Variants in CYP17A1 observed in about 807,000 individuals in gnomAD.
CYP17A1 encodes the protein cytochrome P450 family 17 subfamily A member 1, also known as steroid 17-alpha-hydroxylase/17,20 lyase.
A neutral mutation model predicts 38.5 loss-of-function variants in CYP17A1; 27 were observed. That is an observed-to-expected ratio of 0.70 (90% CI 0.52 to 0.97). CYP17A1 has a LOEUF of 0.97. Ranked by LOEUF, CYP17A1 falls within the 50% of genes least tolerant of loss-of-function variation. The probability of loss-of-function intolerance (pLI) is 0.00; values close to 1 mark genes in which losing one functional copy is unlikely to be tolerated. For synonymous variants in CYP17A1, 263 were observed against 253.3 expected (o/e 1.04, Z -0.36); for missense variants, 549 against 645.9 (o/e 0.85, Z 1.63).
In CYP17A1 at chr10:102,830,599, G is replaced by A; in HGVS notation, c.*103C>T. Reference sequence around the variant, plus strand: ...CACAAGCTGAAAAAGAAGGCAGAGTGGGTTGGGAGTAGGGAAGAATGGCGG... The same window carrying A: ...CACAAGCTGAAAAAGAAGGCAGAGTAGGTTGGGAGTAGGGAAGAATGGCGG... On this transcript the variant is annotated 3_prime_UTR_variant, in exon 8 of 8. Coordinates refer to ENST00000369887, the MANE Select transcript of CYP17A1 (RefSeq NM_000102.4). The surrounding 1 kb of genome is among the most constrained non-coding windows in gnomAD (Gnocchi z 4.1). 1.4e-6 allele frequency: 1 copy of A among 718,758 alleles called. No individual in the cohort carries two copies. The highest frequency in any genetic ancestry group is 2.5e-6 in the Non-Finnish European group (1 of 402,480). The allele number at this position is 718,758 out of a possible 1,614,324, so 44.5% of individuals were successfully genotyped here. A position where few individuals can be genotyped will look rare whatever the true frequency, so the allele number is the denominator to read the frequency against.
chr10:102,835,494 AC>A (rs1349197492), intron 1 of CYP17A1, 102 bp from the exon 2 acceptor site: 2 of 988,248 alleles, frequency 2.0e-6, no homozygotes, highest in African/African-American at 1.6e-5. Context: ...GAAGGCAGGT[AC>A]CTGGCATGCT....
rs780600568 is a variant in CYP17A1, at chr10:102,833,145, A to C, written c.817T>G (p.Ser273Ala). ...TCTGGGCCAGCATTGCCATTATCTG[A>C]GTTCATCTTGGCTTGCATCAGTGTG... is the stretch of plus-strand genomic sequence containing the variant. The part of the protein sequence containing the change: ...LDTLMQAKMN[S>A]DNGNAGPDQD... Residue 273 changes from serine (S) to alanine (A), a missense_variant, in exon 5 of 8, where the codon TCA becomes GCA. This residue lies in a region of CYP17A1 where 257 missense variants were observed against 307.9 expected (regional missense o/e 0.83). Transcript: ENST00000369887. 6.2e-6 allele frequency: 10 copies of C among 1,613,972 alleles called. No individual in the cohort carries two copies. The highest frequency in any genetic ancestry group is 3.3e-4 in the Middle Eastern group (2 of 6,084).
intron 3 of CYP17A1, 138 bp downstream of exon 3, chr10:102,834,647 C>T: frequency 8.5e-7 from 1 of 1,180,770 alleles, no homozygotes; most frequent in South Asian, 1.3e-5. Context: ...TTTTAAGTGG[C>T]AGAGGAGGTA....
chr10:102,832,438 G>C, intron 6 of CYP17A1, 73 bp downstream of exon 6: 1 of 999,680 alleles, frequency 1.0e-6, no homozygotes, highest in Non-Finnish European at 1.6e-6. Context: ...CCGGGGGTAG[G>C]GGGAGCCAGG....
At position 102,832,536 on chromosome 10, in the gene CYP17A1, G is replaced by C. The variant is rs1241318078; in HGVS notation, c.1114C>G (p.Pro372Ala). 2 of 1,611,272 alleles carry C rather than the reference G, an allele frequency of 1.2e-6. No individual in the cohort carries two copies. Among genetic ancestry groups the C allele is most frequent in the African/African-American group, 2.7e-5 (2 of 74,870 alleles). The change falls in exon 6 of 8, where the codon CCC (proline) becomes GCC (alanine). Residue 372 changes from proline (P) to alanine (A), a missense_variant. Pro to Ala is a conservative substitution (Grantham distance 27). Transcript: ENST00000369887. ...RLRPVAPMLI[P>A]HKANVDSSIG... The stretch of plus-strand genomic sequence containing the variant: ...CTGGAGTCAACGTTGGCCTTGTGGG[G>C]GATGAGCATAGGGGCCACGGGCCTG...
chr10:102,834,470 A>G (rs1380999990), intron 3 of CYP17A1: 28 of 556,628 alleles, frequency 5.0e-5, no homozygotes, highest in Non-Finnish European at 8.2e-5. Context: ...TCTCACCTGC[A>G]CAATGGGGAT....
intron 3 of CYP17A1, 102 bp from the exon 4 acceptor site, chr10:102,834,224 A>C (rs1844128736): frequency 2.7e-6 from 2 of 731,920 alleles, no homozygotes; most frequent in Non-Finnish European, 5.0e-6. Context: ...TGTCTCTGGA[A>C]GTTCCTACTC....
rs1195893266 is a variant in CYP17A1, at chr10:102,832,493, C to T, written c.1139+18G>A. ...GAATGCATCATGGGGCTAGATGTCA[C>T]TGGGAGGGCAGGCACACCTGGAGTC... is the stretch of plus-strand genomic sequence containing the variant. On this transcript the variant is annotated intron_variant, in intron 6 of 7. Transcript: ENST00000369887. The T allele has an allele frequency of 1.3e-6, 2 of 1,564,552 alleles. No individual in the cohort carries two copies. The highest frequency in any genetic ancestry group is 1.1e-5 in the South Asian group (1 of 90,196).
intron 4 of CYP17A1, 163 bp downstream of exon 4, chr10:102,833,873 T>C: frequency 1.7e-6 from 1 of 597,672 alleles, no homozygotes; most frequent in Middle Eastern, 3.7e-4. Flanking sequence ...ATTACAGGCG[T>C]GAGCCACCGC....
Position 102,837,346 on chromosome 10 carries a change from C to G in CYP17A1, c.16G>C (p.Ala6Pro). ...TAAGCTAGGGTAAGCAGCAAGAGAG[C>G]CACGAGCTCCCACATGGTGGCTGGG... MWELVALLLLTLAYLF... is the reference protein window; with the variant it reads MWELVPLLLLTLAYLF... The change falls in exon 1 of 8, where the codon GCT becomes CCT. Residue 6 changes from alanine to proline, a missense_variant. Physicochemically the swap from Ala to Pro is conservative, Grantham distance 27 (BLOSUM62 -1). Around this residue, in one of 3 missense-constraint regions of CYP17A1, gnomAD observed 289 missense variants for 320.9 expected, o/e 0.90. Transcript: ENST00000369887. 1 of 1,610,812 alleles carries G rather than the reference C, an allele frequency of 6.2e-7. No homozygotes were observed. The highest frequency in any genetic ancestry group is 8.5e-7 in the Non-Finnish European group (1 of 1,177,034).
chr10:102,833,560 G>A (rs1436306459), intron 4 of CYP17A1: 2 of 314,566 alleles, frequency 6.4e-6, no homozygotes. Flanking sequence ...GGGTTCAAGT[G>A]AGTCTCCTGC....
chr10:102,831,436 A>G, intron 7 of CYP17A1, 72 bp downstream of exon 7: 1 of 1,595,208 alleles, frequency 6.3e-7, no homozygotes, highest in Non-Finnish European at 8.5e-7. Context: ...GCAGAGGTGA[A>G]GGGGTACTGG....
Position 102,837,255 on chromosome 10 carries a change from AG to A in CYP17A1, c.106del (p.Leu36TrpfsTer39). 6.2e-7 allele frequency: 1 copy of A among 1,600,452 alleles called. No individual in the cohort carries two copies. The highest frequency in any genetic ancestry group is 8.6e-7 in the Non-Finnish European group (1 of 1,167,574). ...KYPKSLLSLPLVGSLPFLPRH... is the reference protein window; with the variant it reads ...KYPKSLLSLPXVGSLPFLPRH... ...GGGGAGGAATGGCAGGCTGCCCACC[AG>A]GGGCAGGGACAGGAGGCTCTTGGGG... On this transcript the variant is annotated frameshift_variant, in exon 1 of 8. Transcript: ENST00000369887. LOFTEE classifies it high-confidence loss of function.
chr10:102,831,205 GA>G (rs1844083676), intron 7 of CYP17A1, among the ~76,000 whole-genome samples: 1 of 152,068 alleles, frequency 6.6e-6, no homozygotes, highest in Non-Finnish European at 1.5e-5. Flanking sequence ...GGATGGAAAA[GA>G]GATGGAATTA....
Position 102,834,837 on chromosome 10 carries a change from A to G in CYP17A1, c.614T>C (p.Ile205Thr). 1 of 1,614,162 alleles carries G rather than the reference A, an allele frequency of 6.2e-7. No individual in the cohort carries two copies. The highest frequency in any genetic ancestry group is 8.5e-7 in the Non-Finnish European group (1 of 1,180,034). Residue 205 changes from isoleucine to threonine, a missense_variant, in exon 3 of 8, where the codon ATC becomes ACC. Coordinates refer to ENST00000369887, the MANE Select transcript of CYP17A1 (RefSeq NM_000102.4). ...LNVIQNYNEG[I>T]IDNLSKDSLV... ...GCTGTCTTTGCTCAGGTTGTCTATG[A>G]TGCCTTCATTGTAATTCTGTATGAC...
intron 1 of CYP17A1, chr10:102,836,799 G>T (rs750831139): frequency 1.9e-6 from 1 of 529,698 alleles, no homozygotes; most frequent in Non-Finnish European, 3.4e-6. Flanking sequence ...GTGGAGTGAG[G>T]ATTCCTTGAC....
In CYP17A1 at chr10:102,830,948, T is replaced by G; in HGVS notation, c.1281A>C (p.Ser427=). 5 of 1,576,732 alleles carry G rather than the reference T, an allele frequency of 3.2e-6. No homozygotes were observed. Among genetic ancestry groups the G allele is most frequent in the Non-Finnish European group, 4.3e-6 (5 of 1,158,502 alleles). The part of the protein sequence containing the change: ...FLNPAGTQLI[S]PSVSYLPFGA... The stretch of plus-strand genomic sequence containing the variant: ...CGAAGGGCAAATAGCTTACTGACGG[T>G]GAGATGAGCTGGGTCCCCGCTGGAT... The change falls in exon 8 of 8, where the codon TCA becomes TCC. Residue 427 remains serine, a synonymous_variant. Transcript: ENST00000369887. This position sits in a 1 kb window ranked among gnomAD's most constrained non-coding sequence, Gnocchi z 4.1.
chr10:102,835,996 G>C (rs1347376590), intron 1 of CYP17A1, among the ~76,000 whole-genome samples: 1 of 152,146 alleles, frequency 6.6e-6, no homozygotes, highest in African/African-American at 2.4e-5. Context: ...AAAGCAAAAG[G>C]GTCCAAAGCC....
chr10:102,833,350 G>C lies in CYP17A1; in HGVS notation c.754-142C>G, dbSNP rs572508924. ...AAGTCTGGGCAGGACCTACGAACTT[G>C]TGGAGGTAGGAGGCAGCCCCGGGCC... On this transcript the variant is annotated intron_variant, in intron 4 of 7. Coordinates refer to ENST00000369887, the MANE Select transcript of CYP17A1 (RefSeq NM_000102.4). 5 of 1,526,258 alleles carry C rather than the reference G, an allele frequency of 3.3e-6. No homozygotes were observed. In the African/African-American group the frequency reaches 6.9e-5, roughly 21 times the overall value. The allele number at this position is 1,526,258 out of a possible 1,614,324, so 94.5% of individuals were successfully genotyped here. A position where few individuals can be genotyped will look rare whatever the true frequency, so the allele number is the denominator to read the frequency against.
Sources: allele counts gnomAD v4.1 joint callset (sites outside exome capture counted in the v4.1 genomes callset), GRCh38; gene constraint gnomAD v4.1.1; regional missense constraint gnomAD v4.1.1; non-coding constraint Gnocchi (gnomAD v3.1); transcripts MANE v1.5; gene names NCBI Gene and HGNC (gene_info 2026-07-23, HGNC 2026-07-21).